SLC37A2: variants seen among roughly 807,000 people sequenced by gnomAD.
SLC37A2 encodes the protein solute carrier family 37 member 2, also known as glucose-6-phosphate exchanger SLC37A2.
SLC37A2 carries 59 observed loss-of-function variants against 70.7 expected under a neutral mutation model. The observed-to-expected ratio is 0.83, with a 90% CI of 0.68 to 1.04. The LOEUF (loss-of-function observed/expected upper bound fraction) is 1.04. Ranked by LOEUF, SLC37A2 falls within the 50% of genes least tolerant of loss-of-function variation. The probability of loss-of-function intolerance (pLI) is 0.00; values close to 1 mark genes in which losing one functional copy is unlikely to be tolerated. For missense variants in SLC37A2, 580 were observed against 658.1 expected (o/e 0.88, Z 1.30); for synonymous variants, 257 against 262.1 (o/e 0.98, Z 0.19).
Position 125,075,095 on chromosome 11 carries a change from G to A in SLC37A2, c.60-1662G>A, listed in dbSNP as rs1043262204. Among the ~76,000 whole-genome samples the A allele has an allele frequency of 1.1e-4, 16 of 152,298 alleles. 1 individual carries two copies. The South Asian group carries it at 1.2e-3, about 12-fold the overall frequency. On this transcript the variant is annotated intron_variant, in intron 1 of 17. Coordinates refer to ENST00000403796, the MANE Select transcript of SLC37A2 (RefSeq NM_001145290.2). ...GCAAAAAAAAGGCTTAGGGATTCAC[G>A]GGAGGTTACACAGGCAATTAGTGAG... is the stretch of plus-strand genomic sequence containing the variant.
At position 125,081,165 on chromosome 11, in the gene SLC37A2, G is replaced by A. The variant is rs1949142754; in HGVS notation, c.695-256G>A. The stretch of plus-strand genomic sequence containing the variant: ...CCAGGCCAGGTATGAGAGCCACTCT[G>A]TAGCTAAGAGTACTAAAGTCCAAGA... On this transcript the variant is annotated intron_variant, in intron 7 of 17. Transcript: ENST00000403796. Among the ~76,000 whole-genome samples the A allele has an allele frequency of 2.0e-5, 3 of 152,118 alleles. No individual in the cohort carries two copies. The South Asian group carries it at 6.2e-4, about 31-fold the overall frequency.
chr11:125,080,640 AT>A lies in SLC37A2; in HGVS notation c.556del (p.Ser186ProfsTer12). On this transcript the variant is annotated frameshift_variant, in exon 7 of 18. Coordinates refer to ENST00000403796, the MANE Select transcript of SLC37A2 (RefSeq NM_001145290.2). LOFTEE classifies it high-confidence loss of function. This position sits in a 1 kb window ranked among gnomAD's most constrained non-coding sequence, Gnocchi z 4.3. ...CGGGGGTTCATCATGGGCATCTGGA[AT>A]TCCCACACATCTGTGGGCAACATCC... ...GKRGFIMGIW[N>X]SHTSVGNILG... is the part of the protein sequence containing the mutation. The A allele has an allele frequency of 6.6e-7, 1 of 1,526,054 alleles. No homozygotes were observed. The highest frequency in any genetic ancestry group is 8.8e-7 in the Non-Finnish European group (1 of 1,134,482). The allele number at this position is 1,526,054 out of a possible 1,614,324, so 94.5% of individuals were successfully genotyped here.
In SLC37A2 at chr11:125,090,483, C is replaced by CTTTGTTCT. The variant is rs1452369306; in HGVS notation, c.*2352_*2359dup. The stretch of plus-strand genomic sequence containing the variant: ...CGGGTCCCCTTCCACGCTGTGGGAG[C>CTTTGTTCT]TTTGTTCTTTGCAATAAATCTTGCT... On this transcript the variant is annotated 3_prime_UTR_variant, in exon 18 of 18. Transcript: ENST00000403796. Among the ~76,000 whole-genome samples, 1 of 152,204 alleles carries CTTTGTTCT rather than the reference C, an allele frequency of 6.6e-6. No individual in the cohort carries two copies. The highest frequency in any genetic ancestry group is 1.5e-5 in the Non-Finnish European group (1 of 68,038).
rs1240406296 is a variant in SLC37A2 at position 125,085,100 on chromosome 11, C to A, written c.1209C>A (p.Gly403=). ...MLIICGGLVN[G]PYALITTAVS... is the part of the protein sequence containing the mutation. ...TCATCTGTGGGGGCCTGGTCAATGGCCCATACGCGCTCATCACCACTGCTG... is the reference window on the plus strand; with the variant it reads ...TCATCTGTGGGGGCCTGGTCAATGGACCATACGCGCTCATCACCACTGCTG... The change falls in exon 14 of 18, where the codon GGC becomes GGA. Residue 403 remains glycine, a synonymous_variant. Coordinates refer to ENST00000403796, the MANE Select transcript of SLC37A2 (RefSeq NM_001145290.2). 7.4e-6 allele frequency: 12 copies of A among 1,613,956 alleles called. No individual in the cohort carries two copies. Among genetic ancestry groups the A allele is most frequent in the Non-Finnish European group, 8.5e-6 (10 of 1,179,984 alleles).
At chr11:125,078,788 T>C (rs1359537160) in intron 4 of SLC37A2, among the ~76,000 whole-genome samples, 2 of 130,222 alleles carry the variant, frequency 1.5e-5, no homozygotes, top group African/African-American at 3.4e-5. Context: ...CCTGAAGATA[T>C]GCATGTGATG....
intron 17 of SLC37A2, 128 bp downstream of exon 17, chr11:125,086,146 C>T: frequency 6.5e-7 from 1 of 1,544,760 alleles, no homozygotes; most frequent in Non-Finnish European, 9.0e-7. Context: ...CTGAGCCAGT[C>T]CCTGGGTGGC....
At chr11:125,085,002 T>C (rs1949190138) in intron 13 of SLC37A2, 64 bp from the exon 14 acceptor site, 1 of 1,580,136 alleles carries the variant, frequency 6.3e-7, no homozygotes, top group African/African-American at 1.3e-5. Flanking sequence ...AGAGTGCTCC[T>C]GCCTTGGGGT....
Position 125,080,517 on chromosome 11 carries a change from T to C in SLC37A2, c.528-97T>C. On this transcript the variant is annotated intron_variant, in intron 6 of 17. Coordinates refer to ENST00000403796, the MANE Select transcript of SLC37A2 (RefSeq NM_001145290.2). The surrounding 1 kb of genome is among the most constrained non-coding windows in gnomAD (Gnocchi z 4.3). Reference sequence around the variant, plus strand: ...CTTTGGTGCCTCGGGGAAGCTGTAGTCAGCCCAGCTTTAGAGCTTGGCTGG... The same window carrying C: ...CTTTGGTGCCTCGGGGAAGCTGTAGCCAGCCCAGCTTTAGAGCTTGGCTGG... 8.3e-7 allele frequency: 1 copy of C among 1,206,768 alleles called. No individual in the cohort carries two copies. 74.8% of individuals were successfully genotyped at this position (1,206,768 alleles called of 1,614,324 possible).
intron 4 of SLC37A2, among the ~76,000 whole-genome samples, chr11:125,077,891 C>T (rs1027907079): frequency 6.6e-6 from 1 of 152,214 alleles, no homozygotes; most frequent in African/African-American, 2.4e-5. Context: ...CATGCTGTTC[C>T]TTGCCAGGAA....
rs1949090072 is a variant in SLC37A2 at position 125,076,647 on chromosome 11, T to C, written c.60-110T>C. The C allele has an allele frequency of 3.6e-5, 35 of 962,514 alleles. 2 individuals are homozygous for C. The South Asian group carries it at 4.7e-4, about 13-fold the overall frequency. The allele number at this position is 962,514 out of a possible 1,614,324, so 59.6% of individuals were successfully genotyped here. A position where few individuals can be genotyped will look rare whatever the true frequency, so the allele number is the denominator to read the frequency against. Reference sequence around the variant, plus strand: ...TCTGCACCAAGAAGGAAAGAGTTGGTGGTCCTCAGGCCCTGGGACTGCCAG... The same window carrying C: ...TCTGCACCAAGAAGGAAAGAGTTGGCGGTCCTCAGGCCCTGGGACTGCCAG... On this transcript the variant is annotated intron_variant, in intron 1 of 17. Coordinates refer to ENST00000403796, the MANE Select transcript of SLC37A2 (RefSeq NM_001145290.2).
chr11:125,065,598 A>G (rs940422396), intron 1 of SLC37A2, among the ~76,000 whole-genome samples: 3 of 152,118 alleles, frequency 2.0e-5, no homozygotes, highest in African/African-American at 7.2e-5. Context: ...CAGTAAGCCC[A>G]TTTTCTTGGG....
chr11:125,082,100 T>C (rs1591633427), intron 9 of SLC37A2, 144 bp from the exon 10 acceptor site: 1 of 997,442 alleles, frequency 1.0e-6, no homozygotes, highest in Non-Finnish European at 1.5e-6. Flanking sequence ...GTCATGTTGC[T>C]TTTATTGGGA....
chr11:125,086,635 A>G (rs1949219115), intron 17 of SLC37A2: 1 of 302,002 alleles, frequency 3.3e-6, no homozygotes, highest in African/African-American at 2.2e-5. Flanking sequence ...GCAACTACCA[A>G]TCAAAGTCTC....
Position 125,082,325 on chromosome 11 carries a change from G to A in SLC37A2, c.967G>A (p.Ala323Thr), listed in dbSNP as rs374776789. 16 of 1,613,618 alleles carry A rather than the reference G, an allele frequency of 9.9e-6. No homozygotes were observed. Among genetic ancestry groups the A allele is most frequent in the East Asian group, 2.2e-5 (1 of 44,834 alleles). ...CCTCTACTGGCTGCCCCTCTACATC[G>A]CCAATGTGGGTAAGTCCAAGAGAAG... is the stretch of plus-strand genomic sequence containing the variant. The part of the protein sequence containing the change: ...TFLYWLPLYI[A>T]NVAHFSAKEA... The change falls in exon 10 of 18, where the codon GCC becomes ACC. Residue 323 changes from alanine to threonine, a missense_variant. Physicochemically the swap from Ala to Thr is moderately conservative, Grantham distance 58. Transcript: ENST00000403796.
intron 1 of SLC37A2, among the ~76,000 whole-genome samples, chr11:125,076,285 C>T (rs1454626671): frequency 6.6e-6 from 1 of 152,124 alleles, no homozygotes; most frequent in East Asian, 1.9e-4. Flanking sequence ...GCTGTGTCTG[C>T]CCTGTTCGAA....
chr11:125,071,936 T>G (rs1949033658), intron 1 of SLC37A2, among the ~76,000 whole-genome samples: 1 of 152,172 alleles, frequency 6.6e-6, no homozygotes, highest in Admixed American at 6.5e-5. Flanking sequence ...CTGCTTAGTC[T>G]CAGAACAGTC....
chr11:125,072,470 C>G (rs1291191617), intron 1 of SLC37A2, among the ~76,000 whole-genome samples: 1 of 152,212 alleles, frequency 6.6e-6, no homozygotes, highest in Non-Finnish European at 1.5e-5. Flanking sequence ...GGGCCTTCCC[C>G]TCCATCCTTT....
At position 125,088,223 on chromosome 11, in the gene SLC37A2, G is replaced by A; in HGVS notation, c.*89G>A. The A allele has an allele frequency of 4.0e-6, 6 of 1,481,616 alleles. No individual in the cohort carries two copies. In the South Asian group the frequency reaches 7.3e-5, roughly 18 times the overall value. 91.8% of individuals were successfully genotyped at this position (1,481,616 alleles called of 1,614,324 possible). A position where few individuals can be genotyped will look rare whatever the true frequency, so the allele number is the denominator to read the frequency against. On this transcript the variant is annotated 3_prime_UTR_variant, in exon 18 of 18. Transcript: ENST00000403796. ...AAGACAATGGAAACTTCCACAAGCAGGGAAGGCAAACCCTCTTTATTGAAC... is the reference window on the plus strand; with the variant it reads ...AAGACAATGGAAACTTCCACAAGCAAGGAAGGCAAACCCTCTTTATTGAAC...
intron 1 of SLC37A2, among the ~76,000 whole-genome samples, chr11:125,068,408 G>A (rs1949000959): frequency 6.6e-6 from 1 of 152,176 alleles, no homozygotes; most frequent in African/African-American, 2.4e-5. Flanking sequence ...TAGTTCTTCT[G>A]TAAGTACATT....
Sources: allele counts gnomAD v4.1 joint callset (sites outside exome capture counted in the v4.1 genomes callset), GRCh38; gene constraint gnomAD v4.1.1; non-coding constraint Gnocchi (gnomAD v3.1); transcripts MANE v1.5; gene names NCBI Gene and HGNC (gene_info 2026-07-23, HGNC 2026-07-21).